The following TCN1 variants were observed in gnomAD, a reference collection of about 807,000 sequenced individuals.
The protein encoded by TCN1 is transcobalamin 1.
A neutral mutation model predicts 46.3 loss-of-function variants in TCN1; 47 were observed. The observed-to-expected ratio is 1.01, with a 90% CI of 0.80 to 1.29. The LOEUF is 1.29. Ranked by LOEUF, TCN1 falls within the 50% of genes most tolerant of loss-of-function variation. TCN1 has a pLI of 0.00. For missense variants in TCN1, 532 were observed against 511.0 expected (o/e 1.04, Z -0.40); for synonymous variants, 183 against 192.5 (o/e 0.95, Z 0.41).
Position 59,856,069 on chromosome 11 carries a change from AGGGTGGGGT to A in TCN1, c.748-20_748-12del. On this transcript the variant is annotated splice_polypyrimidine_tract_variant and intron_variant, in intron 5 of 8. Coordinates refer to ENST00000257264, the MANE Select transcript of TCN1 (RefSeq NM_001062.4). ...TGATACAAAGAGGGCCTAATGAGGCAGGGTGGGGTGGGGGGGTGATGAGAGATAAAGAGA... is the reference window on the plus strand; with the variant it reads ...TGATACAAAGAGGGCCTAATGAGGCAGGGGGGGTGATGAGAGATAAAGAGA... 5.6e-6 allele frequency: 2 copies of A among 359,396 alleles called. No homozygotes were observed. Among genetic ancestry groups the A allele is most frequent in the Non-Finnish European group, 9.7e-6 (2 of 205,988 alleles). 22.3% of individuals were successfully genotyped at this position (359,396 alleles called of 1,614,324 possible).
intron 2 of TCN1, 57 bp downstream of exon 2, chr11:59,863,850 A>G: frequency 1.3e-6 from 2 of 1,599,256 alleles, no homozygotes; most frequent in Non-Finnish European, 1.7e-6. Context: ...TTAGTTGCAG[A>G]TAATCTTTAA....
chr11:59,866,170 G>A (rs1291933743), intron 1 of TCN1, among the ~76,000 whole-genome samples: 1 of 152,154 alleles, frequency 6.6e-6, no homozygotes, highest in South Asian at 2.1e-4. Flanking sequence ...CATAGAAAGA[G>A]CAGTTAGGCA....
intron 6 of TCN1, among the ~76,000 whole-genome samples, chr11:59,855,205 G>A (rs980767554): frequency 6.6e-6 from 1 of 151,850 alleles, no homozygotes; most frequent in African/African-American, 2.4e-5. Flanking sequence ...GAAAACATAT[G>A]AATTGCCAGG....
chr11:59,855,768 G>T, intron 6 of TCN1, 101 bp downstream of exon 6: 1 of 1,302,610 alleles, frequency 7.7e-7, no homozygotes, highest in Non-Finnish European at 1.1e-6. Flanking sequence ...ATGTTTTGGA[G>T]GTTTATCTGG....
chr11:59,864,416 A>G (rs542092535), intron 1 of TCN1, among the ~76,000 whole-genome samples: 2 of 152,298 alleles, frequency 1.3e-5, no homozygotes, highest in South Asian at 4.1e-4. Flanking sequence ...TCCTTAAAGA[A>G]ACTTCCATAA....
In TCN1 at chr11:59,861,493, C is replaced by T. The variant is rs1234336116; in HGVS notation, c.556+34G>A. 7 of 1,610,964 alleles carry T rather than the reference C, an allele frequency of 4.3e-6. No individual in the cohort carries two copies. The African/African-American group carries it at 5.3e-5, about 12-fold the overall frequency. On this transcript the variant is annotated intron_variant, in intron 4 of 8. Transcript: ENST00000257264. ...AGCAAGACCTACTGGTGACCATGTC[C>T]TCTGTACCAAGGGAATTGGGCTTAG... is the stretch of plus-strand genomic sequence containing the variant.
At chr11:59,858,261 C>T (rs1466729564) in intron 5 of TCN1, among the ~76,000 whole-genome samples, 1 of 152,156 alleles carries the variant, frequency 6.6e-6, no homozygotes, top group Non-Finnish European at 1.5e-5. Context: ...TGAGTCACTT[C>T]CTGGGTGGAA....
chr11:59,858,398 T>C (rs1852973312), intron 5 of TCN1, among the ~76,000 whole-genome samples: 1 of 152,224 alleles, frequency 6.6e-6, no homozygotes, highest in African/African-American at 2.4e-5. Context: ...TGACTGAAAC[T>C]GTGGAAAGTG....
chr11:59,861,870 C>T (rs997922193), intron 3 of TCN1, among the ~76,000 whole-genome samples, 188 bp from the exon 4 acceptor site: 6 of 152,078 alleles, frequency 3.9e-5, no homozygotes, highest in South Asian at 2.1e-4. Flanking sequence ...CACTAAATTC[C>T]GCTCAATTTC....
In TCN1 at chr11:59,853,327, G is replaced by A. The variant is rs1367222737; in HGVS notation, c.1122-6C>T. 3 of 1,612,540 alleles carry A rather than the reference G, an allele frequency of 1.9e-6. No homozygotes were observed. Among genetic ancestry groups the A allele is most frequent in the East Asian group, 4.5e-5 (2 of 44,868 alleles). ...AGCGCTCCTCCATTGTGAAACTGTG[G>A]GTGACAGCAAGTAGGTTACTGGAAC... On this transcript the variant is annotated splice_polypyrimidine_tract_variant and splice_region_variant and intron_variant, in intron 7 of 8. Transcript: ENST00000257264.
At chr11:59,858,624 G>A (rs774989955) in intron 5 of TCN1, among the ~76,000 whole-genome samples, 2 of 152,156 alleles carry the variant, frequency 1.3e-5, no homozygotes, top group African/African-American at 2.4e-5. Flanking sequence ...ATCAAAGTTA[G>A]TATAGGAACC....
intron 1 of TCN1, among the ~76,000 whole-genome samples, chr11:59,865,318 T>C (rs953866480): frequency 6.6e-6 from 1 of 152,162 alleles, no homozygotes; most frequent in Non-Finnish European, 1.5e-5. Flanking sequence ...TTTTAGTTCC[T>C]GATCAACAAC....
intron 6 of TCN1, among the ~76,000 whole-genome samples, chr11:59,855,572 G>T (rs1191659443): frequency 6.6e-6 from 1 of 152,172 alleles, no homozygotes; most frequent in South Asian, 2.1e-4. Flanking sequence ...GGATGAGAAT[G>T]ATGCTCAGAT....
intron 3 of TCN1, among the ~76,000 whole-genome samples, chr11:59,861,951 A>G (rs1383434908): frequency 2.0e-5 from 3 of 152,216 alleles, no homozygotes; most frequent in Non-Finnish European, 2.9e-5. Flanking sequence ...AGATGGTTAC[A>G]GAGTTAGGGC....
In TCN1 at chr11:59,855,886, G is replaced by T; in HGVS notation, c.920C>A (p.Ser307Tyr). Residue 307 changes from serine (S) to tyrosine (Y), a missense_variant, in exon 6 of 9, where the codon TCT becomes TAT. Physicochemically the swap from Ser to Tyr is moderately radical, Grantham distance 144. Coordinates refer to ENST00000257264, the MANE Select transcript of TCN1 (RefSeq NM_001062.4). ...GCTTATACCTGAAGCAGAGACGCAA[G>T]AAGAGTCTTTGTTAATATCCAAGAA... The part of the protein sequence containing the change: ...KTFLDINKDS[S>Y]CVSASGNFNI... 1 of 1,613,840 alleles carries T rather than the reference G, an allele frequency of 6.2e-7. No individual in the cohort carries two copies. The highest frequency in any genetic ancestry group is 1.1e-5 in the South Asian group (1 of 91,078).
At chr11:59,863,787 G>A in intron 2 of TCN1, 120 bp downstream of exon 2, 2 of 1,123,440 alleles carry the variant, frequency 1.8e-6, no homozygotes, top group Non-Finnish European at 2.6e-6. Context: ...CTCAAGTTTG[G>A]TACCATTAGA....
chr11:59,853,222 T>G lies in TCN1; in HGVS notation c.1221A>C (p.Gly407=), dbSNP rs571111927. 2.7e-4 allele frequency: 430 copies of G among 1,614,134 alleles called. 4 individuals carry two copies. In the South Asian group the frequency reaches 4.4e-3, roughly 17 times the overall value. ...NDRTYWELLS[G]GEPLSQGAGS... ...CCTTACCTTGGCTCAGTGGTTCGCC[T>G]CCACTCAGAAGTTCCCAGTAGGTTC... The change falls in exon 8 of 9, where the codon GGA becomes GGC. Residue 407 remains glycine, a synonymous_variant. Transcript: ENST00000257264.
chr11:59,864,931 G>T (rs1426759912), intron 1 of TCN1, among the ~76,000 whole-genome samples: 3 of 152,098 alleles, frequency 2.0e-5, no homozygotes, highest in Non-Finnish European at 4.4e-5. Flanking sequence ...GCCACATTTT[G>T]TGCTCCTTAA....
intron 4 of TCN1, among the ~76,000 whole-genome samples, chr11:59,860,598 A>G (rs1469172043): frequency 6.6e-6 from 1 of 152,010 alleles, no homozygotes; most frequent in Non-Finnish European, 1.5e-5. Flanking sequence ...TGGCTGAGGG[A>G]TTGAGAAAAC....
Sources: gnomAD v4.1 joint callset for allele counts (sites outside exome capture counted in the v4.1 genomes callset) on GRCh38, gnomAD v4.1.1 for gene constraint, MANE v1.5 for transcripts, NCBI Gene and HGNC (gene_info 2026-07-23, HGNC 2026-07-21) for gene names.